The following OR4K14 variants were observed in gnomAD, a reference collection of about 807,000 sequenced individuals.
The protein encoded by OR4K14 is olfactory receptor family 4 subfamily K member 14, also known as olfactory receptor 4K14.
For missense variants in OR4K14, 406 were observed against 373.6 expected (o/e 1.09, Z -0.72); for synonymous variants, 153 against 141.5 (o/e 1.08, Z -0.58).
chr14:20,014,791 T>A lies in OR4K14; in HGVS notation c.403A>T (p.Thr135Ser), dbSNP rs766484478. The A allele has an allele frequency of 1.1e-5, 17 of 1,613,930 alleles. No individual in the cohort carries two copies. Among genetic ancestry groups the A allele is most frequent in the Admixed American group, 1.7e-5 (1 of 59,984 alleles). Residue 135 changes from threonine to serine, a missense_variant, in exon 2 of 2, where the codon ACT becomes TCT. Physicochemically the swap from Thr to Ser is moderately conservative, Grantham distance 58 (BLOSUM62 1). Coordinates refer to ENST00000641793, the MANE Select transcript of OR4K14 (RefSeq NM_001004712.2). ...ATGCAAGTCTGCCAACTCATCAAAGTCATGTAATGCAAGGGTTTGCATATG... is the reference window on the plus strand; with the variant it reads ...ATGCAAGTCTGCCAACTCATCAAAGACATGTAATGCAAGGGTTTGCATATG... ...VAICKPLHYM[T>S]LMSWQTCIRL...
chr14:20,017,047 A>G (rs1222627339), intron 1 of OR4K14, among the ~76,000 whole-genome samples: 1 of 152,048 alleles, frequency 6.6e-6, no homozygotes, highest in Non-Finnish European at 1.5e-5. Context: ...TAGAGCCATA[A>G]TGTTGAGATT....
intron 1 of OR4K14, among the ~76,000 whole-genome samples, chr14:20,018,011 A>T (rs8011147): frequency 0.34 from 51,132 of 151,812 alleles, 10,267 homozygotes; most frequent in Non-Finnish European, 0.45. Flanking sequence ...TATCACATAG[A>T]ATCCTTCATG....
In OR4K14 at chr14:20,014,818, C is replaced by T. The variant is rs756510634; in HGVS notation, c.376G>A (p.Ala126Thr). The T allele has an allele frequency of 2.5e-6, 4 of 1,614,046 alleles. No homozygotes were observed. Among genetic ancestry groups the T allele is most frequent in the Non-Finnish European group, 3.4e-6 (4 of 1,179,982 alleles). The change falls in exon 2 of 2, where the codon GCC becomes ACC. Residue 126 changes from alanine (A) to threonine (T), a missense_variant. Physicochemically the swap from Ala to Thr is moderately conservative, Grantham distance 58. Coordinates refer to ENST00000641793, the MANE Select transcript of OR4K14 (RefSeq NM_001004712.2). The stretch of plus-strand genomic sequence containing the variant: ...ATGTAATGCAAGGGTTTGCATATGG[C>T]CACATATCTGTCATAGGCCATGGAA... ...LVSMAYDRYV[A>T]ICKPLHYMTL...
chr14:20,018,511 T>TA (rs1365551670), intron 1 of OR4K14, among the ~76,000 whole-genome samples: 1 of 152,064 alleles, frequency 6.6e-6, no homozygotes, highest in Non-Finnish European at 1.5e-5. Context: ...TCACAGGTCA[T>TA]AGAGCTATAC....
intron 1 of OR4K14, among the ~76,000 whole-genome samples, chr14:20,017,239 C>T (rs1877117527): frequency 6.6e-6 from 1 of 151,928 alleles, no homozygotes; most frequent in Non-Finnish European, 1.5e-5. Context: ...CAGTCCCTTC[C>T]AGGACCTCTC....
At position 20,014,952 on chromosome 14, in the gene OR4K14, T is replaced by C; in HGVS notation, c.242A>G (p.Lys81Arg). The change falls in exon 2 of 2, where the codon AAG becomes AGG. Residue 81 changes from lysine (K) to arginine (R), a missense_variant. Lys to Arg is a conservative substitution (Grantham distance 26). Coordinates refer to ENST00000641793, the MANE Select transcript of OR4K14 (RefSeq NM_001004712.2). ...DMWLASFATP[K>R]MIRDFLSDQK... ...ATCACTAAGGAAATCCCTGATCATCTTGGGAGTGGCAAATGAGGCCAGCCA... is the reference window on the plus strand; with the variant it reads ...ATCACTAAGGAAATCCCTGATCATCCTGGGAGTGGCAAATGAGGCCAGCCA... 1 of 1,614,120 alleles carries C rather than the reference T, an allele frequency of 6.2e-7. No individual in the cohort carries two copies. The highest frequency in any genetic ancestry group is 8.5e-7 in the Non-Finnish European group (1 of 1,179,986).
At position 20,014,928 on chromosome 14, in the gene OR4K14, T is replaced by C. The variant is rs746491287; in HGVS notation, c.266A>G (p.Asp89Gly). The stretch of plus-strand genomic sequence containing the variant: ...TCCTCCAAAGGAGATGAGTTTTTGA[T>C]CACTAAGGAAATCCCTGATCATCTT... ...TPKMIRDFLS[D>G]QKLISFGGCM... The change falls in exon 2 of 2, where the codon GAT becomes GGT. Residue 89 changes from aspartate (D) to glycine (G), a missense_variant. By Grantham distance (94) the Asp-to-Gly change is moderately conservative. Coordinates refer to ENST00000641793, the MANE Select transcript of OR4K14 (RefSeq NM_001004712.2). The C allele has an allele frequency of 8.1e-6, 13 of 1,614,052 alleles. No individual in the cohort carries two copies. Among genetic ancestry groups the C allele is most frequent in the Non-Finnish European group, 1.1e-5 (13 of 1,180,006 alleles).
Position 20,014,687 on chromosome 14 carries a change from G to A in OR4K14, c.507C>T (p.Tyr169=), listed in dbSNP as rs373073211. Residue 169 remains tyrosine, a synonymous_variant, in exon 2 of 2, where the codon TAC becomes TAT. Transcript: ENST00000641793. ...SQVAFTVNLP[Y]CGPNEVDSFF... Reference sequence around the variant, plus strand: ...AGCTGTCTACCTCATTGGGGCCACAGTAAGGCAAATTTACAGTGAAAGCCA... The same window carrying A: ...AGCTGTCTACCTCATTGGGGCCACAATAAGGCAAATTTACAGTGAAAGCCA... 3.4e-4 allele frequency: 552 copies of A among 1,613,996 alleles called. No homozygotes were observed. The highest frequency in any genetic ancestry group is 4.5e-4 in the Non-Finnish European group (536 of 1,180,014).
Position 20,015,048 on chromosome 14 carries a change from AC to A in OR4K14, c.145del (p.Val49Ter), listed in dbSNP as rs771248300. 2.5e-6 allele frequency: 4 copies of A among 1,614,080 alleles called. No homozygotes were observed. In the Admixed American group the frequency reaches 6.7e-5, roughly 27 times the overall value. On this transcript the variant is annotated frameshift_variant, in exon 2 of 2. Transcript: ENST00000641793. LOFTEE classifies it low-confidence loss of function (END_TRUNC). ...MLGNLLILVT[V>X]ISDPCLHSSP... ...GGAGTGCAGGCAGGGATCAGAAATTACAGTGACCAAAATGAGAAGGTTACCC... is the reference window on the plus strand; with the variant it reads ...GGAGTGCAGGCAGGGATCAGAAATTAAGTGACCAAAATGAGAAGGTTACCC...
At chr14:20,015,429 A>G (rs561923258) in intron 1 of OR4K14, among the ~76,000 whole-genome samples, 3 of 152,326 alleles carry the variant, frequency 2.0e-5, no homozygotes, top group South Asian at 2.1e-4. Context: ...TCGTCAAAGA[A>G]CAAAGTTTCA....
chr14:20,017,759 T>C (rs986952552), intron 1 of OR4K14, among the ~76,000 whole-genome samples: 6 of 151,934 alleles, frequency 3.9e-5, no homozygotes, highest in African/African-American at 1.2e-4. Flanking sequence ...AAAAGATATT[T>C]CCAAGACCTC....
chr14:20,014,799 T>C lies in OR4K14; in HGVS notation c.395A>G (p.His132Arg). ...DRYVAICKPL[H>R]YMTLMSWQTC... ...CTGCCAACTCATCAAAGTCATGTAA[T>C]GCAAGGGTTTGCATATGGCCACATA... Residue 132 changes from histidine (H) to arginine (R), a missense_variant, in exon 2 of 2, where the codon CAT becomes CGT. Coordinates refer to ENST00000641793, the MANE Select transcript of OR4K14 (RefSeq NM_001004712.2). The C allele has an allele frequency of 6.2e-7, 1 of 1,614,094 alleles. No homozygotes were observed. Among genetic ancestry groups the C allele is most frequent in the Non-Finnish European group, 8.5e-7 (1 of 1,180,016 alleles).
At chr14:20,018,499 T>C (rs1003912444) in intron 1 of OR4K14, among the ~76,000 whole-genome samples, 11 of 152,058 alleles carry the variant, frequency 7.2e-5, no homozygotes, top group African/African-American at 2.2e-4. Context: ...CTAGCACATA[T>C]ATCACAGGTC....
rs766165190 is a variant in OR4K14 at position 20,014,954 on chromosome 14, G to A, written c.240C>T (p.Pro80=). 1.2e-6 allele frequency: 2 copies of A among 1,614,080 alleles called. No homozygotes were observed. Among genetic ancestry groups the A allele is most frequent in the Admixed American group, 1.7e-5 (1 of 60,008 alleles). The change falls in exon 2 of 2, where the codon CCC becomes CCT. Residue 80 remains proline (P), a synonymous_variant. Transcript: ENST00000641793. ...LDMWLASFAT[P]KMIRDFLSDQ... is the part of the protein sequence containing the mutation. Reference sequence around the variant, plus strand: ...CACTAAGGAAATCCCTGATCATCTTGGGAGTGGCAAATGAGGCCAGCCACA... The same window carrying A: ...CACTAAGGAAATCCCTGATCATCTTAGGAGTGGCAAATGAGGCCAGCCACA...
At position 20,019,170 on chromosome 14, in the gene OR4K14, C is replaced by G. The variant is rs958147009; in HGVS notation, c.-57G>C. 1 of 152,142 alleles carries G rather than the reference C, an allele frequency of 6.6e-6. No individual in the cohort carries two copies. Among genetic ancestry groups the G allele is most frequent in the East Asian group, 1.9e-4 (1 of 5,190 alleles). The allele number at this position is 152,142 out of a possible 1,614,324, so 9.4% of individuals were successfully genotyped here. The stretch of plus-strand genomic sequence containing the variant: ...GGAGTTAAGATGCTCAGTGCTGATA[C>G]TGCAGCTCACCCAATTTATATTTTA... On this transcript the variant is annotated 5_prime_UTR_variant, in exon 1 of 2. Coordinates refer to ENST00000641793, the MANE Select transcript of OR4K14 (RefSeq NM_001004712.2).
In OR4K14 at chr14:20,015,090, T is replaced by G; in HGVS notation, c.104A>C (p.Tyr35Ser). The G allele has an allele frequency of 6.2e-7, 1 of 1,613,744 alleles. No individual in the cohort carries two copies. Among genetic ancestry groups the G allele is most frequent in the South Asian group, 1.1e-5 (1 of 91,060 alleles). ...NFFFIFFFGV[Y>S]VAIMLGNLLI... The stretch of plus-strand genomic sequence containing the variant: ...AAGGTTACCCAGCATAATGGCCACA[T>G]AGACCCCAAAGAAAAATATAAAGAA... Residue 35 changes from tyrosine to serine, a missense_variant, in exon 2 of 2, where the codon TAT becomes TCT. Coordinates refer to ENST00000641793, the MANE Select transcript of OR4K14 (RefSeq NM_001004712.2).
intron 1 of OR4K14, 41 bp downstream of exon 1, chr14:20,019,102 C>T (rs1877157078): frequency 6.6e-6 from 1 of 151,914 alleles, no homozygotes; most frequent in Non-Finnish European, 1.5e-5. Context: ...TGACTTATAT[C>T]TCATGCATGT....
At chr14:20,015,514 A>T (rs183329926) in intron 1 of OR4K14, among the ~76,000 whole-genome samples, 35 of 152,336 alleles carry the variant, frequency 2.3e-4, no homozygotes, top group African/African-American at 7.7e-4. Flanking sequence ...TATATTATAC[A>T]CTTGAAAATC....
rs1219770254 is a variant in OR4K14, at chr14:20,014,893, G to C, written c.301C>G (p.Gln101Glu). 1.9e-6 allele frequency: 3 copies of C among 1,614,012 alleles called. No individual in the cohort carries two copies. Among genetic ancestry groups the C allele is most frequent in the Non-Finnish European group, 1.7e-6 (2 of 1,180,038 alleles). Residue 101 changes from glutamine (Q) to glutamate (E), a missense_variant, in exon 2 of 2, where the codon CAA (glutamine) becomes GAA (glutamate). By Grantham distance (29) the Gln-to-Glu change is conservative. Transcript: ENST00000641793. ...KLISFGGCMAQIFFLHFTGGA... is the reference protein window; with the variant it reads ...KLISFGGCMAEIFFLHFTGGA... ...CCAGTAAAGTGCAAGAAGAAGATTT[G>C]AGCCATACATCCTCCAAAGGAGATG... is the stretch of plus-strand genomic sequence containing the variant.
Sources: allele counts gnomAD v4.1 joint callset (sites outside exome capture counted in the v4.1 genomes callset), GRCh38; gene constraint gnomAD v4.1.1; transcripts MANE v1.5; gene names NCBI Gene and HGNC (gene_info 2026-07-23, HGNC 2026-07-21).